OSBPL6: variants seen among roughly 807,000 people sequenced by gnomAD.
OSBPL6 encodes oxysterol binding protein like 6, also known as oxysterol-binding protein-related protein 6.
OSBPL6 carries 49 observed loss-of-function variants against 125.8 expected under a neutral mutation model. That is an observed-to-expected ratio of 0.39 (90% CI 0.31 to 0.49). The LOEUF is 0.49. OSBPL6 is among the 20% of genes least tolerant of loss of function. The probability of loss-of-function intolerance (pLI) is 0.88; values close to 1 mark genes in which losing one functional copy is unlikely to be tolerated. For missense variants in OSBPL6, 986 were observed against 1,135.4 expected, an observed-to-expected ratio of 0.87 and a Z score of 1.89; for synonymous variants, 394 against 391.8, an observed-to-expected ratio of 1.01 and a Z score of -0.07.
chr2:178,201,243 G>A (rs545050292), intron 1 of OSBPL6, among the ~76,000 whole-genome samples: 5 of 152,332 alleles, frequency 3.3e-5, no homozygotes, highest in Admixed American at 3.3e-4. Context: ...TTGGGAGTTA[G>A]CAGTTTGTAG....
chr2:178,263,755 A>G (rs913340328), intron 1 of OSBPL6, among the ~76,000 whole-genome samples: 5 of 151,174 alleles, frequency 3.3e-5, no homozygotes, highest in African/African-American at 1.2e-4. Context: ...GCAAAACGTC[A>G]TCTCTCATAC....
At chr2:178,201,107 T>C (rs923921644) in intron 1 of OSBPL6, among the ~76,000 whole-genome samples, 2 of 152,190 alleles carry the variant, frequency 1.3e-5, no homozygotes, top group African/African-American at 4.8e-5. Context: ...ATAAGTATTT[T>C]CTAAAACTGT....
chr2:178,356,690 T>G (rs1691824096), intron 12 of OSBPL6, among the ~76,000 whole-genome samples: 1 of 152,140 alleles, frequency 6.6e-6, no homozygotes, highest in Non-Finnish European at 1.5e-5. Context: ...TTCAGTGCCA[T>G]CCCCATCAAG....
rs1195818969 is a variant in OSBPL6, at chr2:178,235,404, T to C, written c.-351+40730T>C. Among the ~76,000 whole-genome samples, 4 of 44,140 alleles carry C rather than the reference T, an allele frequency of 9.1e-5. No homozygotes were observed. The African/African-American group carries it at 2.2e-3, about 24-fold the overall frequency. The allele number at this position is 44,140 out of a possible 152,430, so 29.0% of individuals were successfully genotyped here. On this transcript the variant is annotated intron_variant, in intron 1 of 24. Coordinates refer to ENST00000190611, the MANE Select transcript of OSBPL6 (RefSeq NM_032523.4). ...TTCCTTTTTCTTTTCTTTTCTTTTTTTTTTTTTTTTTTTTTTTTTTGAGAC... is the reference window on the plus strand; with the variant it reads ...TTCCTTTTTCTTTTCTTTTCTTTTTCTTTTTTTTTTTTTTTTTTTTGAGAC...
rs145674369 is a variant in OSBPL6, at chr2:178,328,306, T to C, written c.246T>C (p.Asn82=). Residue 82 remains asparagine (N), a synonymous_variant, in exon 5 of 25, where the codon AAT becomes AAC. Coordinates refer to ENST00000190611, the MANE Select transcript of OSBPL6 (RefSeq NM_032523.4). ...IIEGLKIGQT[N]VQKPDKHEGF... ...AAGGGCTGAAAATAGGCCAAACCAA[T>C]GTCCAGAAACCAGACAAACATGAGG... is the stretch of plus-strand genomic sequence containing the variant. 4.2e-4 allele frequency: 682 copies of C among 1,613,966 alleles called. 3 individuals are homozygous for C. Among genetic ancestry groups the C allele is most frequent in the South Asian group, 2.2e-3 (202 of 91,076 alleles).
At chr2:178,268,302 G>A (rs1398861569) in intron 1 of OSBPL6, among the ~76,000 whole-genome samples, 3 of 151,996 alleles carry the variant, frequency 2.0e-5, no homozygotes, top group Non-Finnish European at 2.9e-5. Flanking sequence ...GGCTGATCTC[G>A]AACTCCTGAC....
intron 1 of OSBPL6, among the ~76,000 whole-genome samples, chr2:178,269,666 C>T (rs1285795129): frequency 6.6e-6 from 1 of 152,144 alleles, no homozygotes; most frequent in Non-Finnish European, 1.5e-5. Flanking sequence ...GACTCCAAAC[C>T]CTGCCTCTCC....
At chr2:178,263,265 G>C (rs1159033539) in intron 1 of OSBPL6, among the ~76,000 whole-genome samples, 1 of 152,156 alleles carries the variant, frequency 6.6e-6, no homozygotes, top group Non-Finnish European at 1.5e-5. Context: ...GATCAGCTGA[G>C]GTCAGGAGTT....
At chr2:178,332,388 T>A (rs1689276255) in intron 6 of OSBPL6, among the ~76,000 whole-genome samples, 1 of 152,258 alleles carries the variant, frequency 6.6e-6, no homozygotes, top group Non-Finnish European at 1.5e-5. Context: ...GAAGAATTAG[T>A]ATTACATTCT....
At chr2:178,345,563 G>A (rs1383038214) in intron 11 of OSBPL6, among the ~76,000 whole-genome samples, 1 of 152,208 alleles carries the variant, frequency 6.6e-6, no homozygotes, top group African/African-American at 2.4e-5. Flanking sequence ...TATATCTTAT[G>A]CATGTATTCA....
chr2:178,329,179 A>G (rs909392270), intron 5 of OSBPL6, among the ~76,000 whole-genome samples: 1 of 152,198 alleles, frequency 6.6e-6, no homozygotes, highest in Admixed American at 6.5e-5. Flanking sequence ...TATTGTTACC[A>G]GTACAAACTA....
At chr2:178,379,056 A>G (rs1259399788) in intron 15 of OSBPL6, among the ~76,000 whole-genome samples, 1 of 151,998 alleles carries the variant, frequency 6.6e-6, no homozygotes, top group Non-Finnish European at 1.5e-5. Context: ...CTGTGGTCCC[A>G]GCTCCTTCAG....
At chr2:178,362,079 A>G (rs997496887) in intron 13 of OSBPL6, among the ~76,000 whole-genome samples, 2 of 152,210 alleles carry the variant, frequency 1.3e-5, no homozygotes, top group African/African-American at 4.8e-5. Context: ...ATGCTTCTCT[A>G]AGGTCATTTA....
In OSBPL6 at chr2:178,401,598, A is replaced by C. The variant is rs1696105140; in HGVS notation, c.*6039A>C. On this transcript the variant is annotated 3_prime_UTR_variant, in exon 25 of 25. Coordinates refer to ENST00000190611, the MANE Select transcript of OSBPL6 (RefSeq NM_032523.4). Reference sequence around the variant, plus strand: ...TAATGAAGAAACAAGGCAAGAATGAATACAAGAGAAATGGAATCTGGGGAA... The same window carrying C: ...TAATGAAGAAACAAGGCAAGAATGACTACAAGAGAAATGGAATCTGGGGAA... 1 of 152,232 alleles carries C rather than the reference A, an allele frequency of 6.6e-6. No homozygotes were observed. The highest frequency in any genetic ancestry group is 2.4e-5 in the African/African-American group (1 of 41,464). 9.4% of individuals were successfully genotyped at this position (152,232 alleles called of 1,614,324 possible). A position where few individuals can be genotyped will look rare whatever the true frequency, so the allele number is the denominator to read the frequency against.
chr2:178,337,430 C>G (rs570395458), intron 9 of OSBPL6, among the ~76,000 whole-genome samples: 2 of 152,272 alleles, frequency 1.3e-5, no homozygotes, highest in Admixed American at 6.5e-5. Flanking sequence ...TATCAGCCTT[C>G]TGAGATACTC....
intron 2 of OSBPL6, among the ~76,000 whole-genome samples, chr2:178,297,132 G>T (rs114746839): frequency 6.6e-6 from 1 of 152,072 alleles, no homozygotes; most frequent in Non-Finnish European, 1.5e-5. Flanking sequence ...GGCCCCTATA[G>T]TACTGTTAGC....
intron 3 of OSBPL6, among the ~76,000 whole-genome samples, chr2:178,314,782 G>A (rs1254522706): frequency 1.3e-5 from 2 of 152,104 alleles, no homozygotes; most frequent in African/African-American, 2.4e-5. Flanking sequence ...GAAATGTCTT[G>A]CCAACAGCTA....
chr2:178,196,512 A>T (rs1325871659), intron 1 of OSBPL6, among the ~76,000 whole-genome samples: 1 of 152,078 alleles, frequency 6.6e-6, no homozygotes, highest in African/African-American at 2.4e-5. Flanking sequence ...CTTTAGTATG[A>T]GGTAGTTCTG....
chr2:178,294,711 C>T (rs1685577162), intron 2 of OSBPL6, among the ~76,000 whole-genome samples: 1 of 130,532 alleles, frequency 7.7e-6, no homozygotes, highest in South Asian at 2.7e-4. Flanking sequence ...TCGGCCACCA[C>T]AGCTATTTTT....
Sources: gnomAD v4.1 joint callset for allele counts (sites outside exome capture counted in the v4.1 genomes callset) on GRCh38, gnomAD v4.1.1 for gene constraint, MANE v1.5 for transcripts, NCBI Gene and HGNC (gene_info 2026-07-23, HGNC 2026-07-21) for gene names.